PDZD2: variants seen among roughly 807,000 people sequenced by gnomAD.
PDZD2 encodes the protein PDZ domain containing 2.
A neutral mutation model predicts 220.7 loss-of-function variants in PDZD2; 90 were observed. The ratio of observed to expected loss-of-function variants is 0.41; its 90% CI spans 0.34 to 0.49. The LOEUF (loss-of-function observed/expected upper bound fraction) is 0.49. Ranked by LOEUF, PDZD2 falls within the 20% of genes least tolerant of loss-of-function variation. PDZD2 has a pLI of 0.28. For missense variants in PDZD2, 3,174 were observed against 3,608.5 expected (o/e 0.88, Z 3.08); for synonymous variants, 1,375 against 1,450.5 (o/e 0.95, Z 1.18).
At chr5:31,917,112 G>C (rs1743758441) in intron 2 of PDZD2, among the ~76,000 whole-genome samples, 1 of 152,208 alleles carries the variant, frequency 6.6e-6, no homozygotes, top group South Asian at 2.1e-4. Context: ...TGAGCCAGTT[G>C]AAGTGTTTAG....
chr5:31,649,937 CAAAAAAAAAAAAAAA>C (rs6148975), intron 1 of PDZD2, among the ~76,000 whole-genome samples: 1 of 73,514 alleles, frequency 1.4e-5, no homozygotes, highest in Non-Finnish European at 2.4e-5. Flanking sequence ...GACTCCGTCT[CAAAAAAAAAAAAAAA>C]AAAAAAAAAA....
At chr5:32,080,385 G>T (rs893874562) in intron 19 of PDZD2, among the ~76,000 whole-genome samples, 1 of 149,024 alleles carries the variant, frequency 6.7e-6, no homozygotes, top group African/African-American at 2.6e-5. Context: ...GGGGTGAGGG[G>T]TTTCTATTTG....
intron 1 of PDZD2, among the ~76,000 whole-genome samples, chr5:31,708,952 G>A (rs1487635330): frequency 2.7e-5 from 4 of 149,972 alleles, no homozygotes; most frequent in Non-Finnish European, 5.9e-5. Flanking sequence ...GAGTGGTGTA[G>A]TCTTGGCTCA....
intron 2 of PDZD2, among the ~76,000 whole-genome samples, chr5:31,831,911 C>CAAAAAAAAAAAA (rs56394577): frequency 3.1e-5 from 2 of 63,732 alleles, no homozygotes; most frequent in African/African-American, 6.8e-5. Flanking sequence ...GAGACTGTTT[C>CAAAAAAAAAAAA]AAAAAAAAAA....
At position 31,761,754 on chromosome 5, in the gene PDZD2, G is replaced by T. The variant is rs772432129; in HGVS notation, c.-360-37135G>T. On this transcript the variant is annotated intron_variant, in intron 1 of 24. Transcript: ENST00000438447. ...TGGGTGCCTGTAATCCCAGCTACTT[G>T]AGAGGCTGAGACAGGAGAATCGCTT... Among the ~76,000 whole-genome samples the T allele has an allele frequency of 2.6e-5, 4 of 151,496 alleles. No individual in the cohort carries two copies. The South Asian group carries it at 8.3e-4, about 31-fold the overall frequency.
intron 2 of PDZD2, chr5:31,840,427 TATATATA>T (rs1561499148): frequency 0.012 from 1,441 of 122,702 alleles, 121 homozygotes; most frequent in African/African-American, 0.044. Flanking sequence ...TATATATATA[TATATATA>T]TATATATATA....
intron 1 of PDZD2, among the ~76,000 whole-genome samples, chr5:31,684,157 G>A (rs2150124670): frequency 6.6e-6 from 1 of 152,248 alleles, no homozygotes; most frequent in East Asian, 1.9e-4. Flanking sequence ...TTACAGGTGA[G>A]CTCCATCCTC....
chr5:31,971,475 C>T (rs1224503775), intron 2 of PDZD2, among the ~76,000 whole-genome samples: 1 of 152,192 alleles, frequency 6.6e-6, no homozygotes, highest in African/African-American at 2.4e-5. Flanking sequence ...TAAGTTCCAA[C>T]ACTGGGATTT....
intron 1 of PDZD2, among the ~76,000 whole-genome samples, chr5:31,755,347 G>T (rs1431265357): frequency 6.6e-6 from 1 of 152,162 alleles, no homozygotes; most frequent in Admixed American, 6.5e-5. Context: ...GCCTGAAGAG[G>T]TTTCTTTGGG....
Position 31,649,043 on chromosome 5 carries a change from T to G in PDZD2, c.-361+9606T>G, listed in dbSNP as rs112116404. 5.2e-3 allele frequency among the ~76,000 whole-genome samples: 789 copies of G among 152,150 alleles called. 3 individuals carry two copies. The highest frequency in any genetic ancestry group is 0.018 in the African/African-American group (755 of 41,520). On this transcript the variant is annotated intron_variant, in intron 1 of 24. Transcript: ENST00000438447. ...TCCTGCCCCCCAACCCAGAGGGGTT[T>G]TTTTGTTTGTTTTTTTAAGAGATGG...
At chr5:31,906,609 G>A (rs1742681445) in intron 2 of PDZD2, among the ~76,000 whole-genome samples, 2 of 152,240 alleles carry the variant, frequency 1.3e-5, no homozygotes, top group African/African-American at 2.4e-5. Flanking sequence ...TTGGGAAGCT[G>A]AGGCGGGCAG....
chr5:31,694,671 C>T (rs1285298561), intron 1 of PDZD2, among the ~76,000 whole-genome samples: 1 of 151,724 alleles, frequency 6.6e-6, no homozygotes, highest in African/African-American at 2.4e-5. Flanking sequence ...CTGCGTCTTT[C>T]CCCAAACACA....
At chr5:31,931,995 C>A (rs552565827) in intron 2 of PDZD2, among the ~76,000 whole-genome samples, 1 of 152,220 alleles carries the variant, frequency 6.6e-6, no homozygotes, top group East Asian at 1.9e-4. Flanking sequence ...AAGGTCCTCC[C>A]CGCTTGCACA....
At chr5:31,761,929 G>A (rs73058414) in intron 1 of PDZD2, among the ~76,000 whole-genome samples, 2,747 of 151,980 alleles carry the variant, frequency 0.018, 80 homozygotes, top group African/African-American at 0.063. Flanking sequence ...TAATGCTGGC[G>A]TCTGGGAGGG....
At chr5:31,986,059 G>C (rs1286789722) in intron 3 of PDZD2, among the ~76,000 whole-genome samples, 1 of 131,938 alleles carries the variant, frequency 7.6e-6, no homozygotes, top group Non-Finnish European at 1.6e-5. Context: ...TGGGCAACAA[G>C]AGCGAAACTC....
intron 2 of PDZD2, among the ~76,000 whole-genome samples, chr5:31,948,397 A>G (rs1746852738): frequency 6.6e-6 from 1 of 152,218 alleles, no homozygotes; most frequent in South Asian, 2.1e-4. Context: ...TTTCCAGACT[A>G]GATTAAGAAC....
intron 2 of PDZD2, among the ~76,000 whole-genome samples, chr5:31,837,660 G>A (rs938038316): frequency 5.3e-5 from 8 of 152,102 alleles, no homozygotes; most frequent in Non-Finnish European, 8.8e-5. Flanking sequence ...GGAGGCAGAG[G>A]TTGCAGTGAG....
Position 32,092,994 on chromosome 5 carries a change from T to C in PDZD2, c.7815T>C (p.Thr2605=). ...SSVGSKSTIL[T]LIQEAKAQSE... ...TGGGATCGAAATCTACCATCCTAAC[T>C]CTCATTCAGGAAGCGAAAGCACAAT... The change falls in exon 21 of 25, where the codon ACT becomes ACC. Residue 2605 remains threonine, a synonymous_variant. Coordinates refer to ENST00000438447, the MANE Select transcript of PDZD2 (RefSeq NM_178140.4). 6.3e-7 allele frequency: 1 copy of C among 1,593,804 alleles called. No homozygotes were observed. The highest frequency in any genetic ancestry group is 8.6e-7 in the Non-Finnish European group (1 of 1,162,046).
intron 1 of PDZD2, among the ~76,000 whole-genome samples, chr5:31,718,881 A>C (rs1475017052): frequency 6.6e-6 from 1 of 151,620 alleles, no homozygotes; most frequent in East Asian, 1.9e-4. Context: ...TTTGTATTTT[A>C]GTTAGAGACA....
Sources: gnomAD v4.1 joint callset for allele counts (sites outside exome capture counted in the v4.1 genomes callset) on GRCh38, gnomAD v4.1.1 for gene constraint, MANE v1.5 for transcripts, NCBI Gene and HGNC (gene_info 2026-07-23, HGNC 2026-07-21) for gene names.